The following OPCML variants were observed in gnomAD, a reference collection of about 807,000 sequenced individuals.
OPCML encodes opioid-binding protein/cell adhesion molecule.
OPCML carries 13 observed loss-of-function variants against 37.8 expected under a neutral mutation model. The observed-to-expected ratio is 0.34, with a 90% CI of 0.22 to 0.55. The LOEUF is 0.55. Among genes scored for constraint, OPCML ranks in the 20% least tolerant of loss-of-function variants. The pLI is 0.91. For synonymous variants in OPCML, 176 were observed against 168.8 expected, an observed-to-expected ratio of 1.04 and a Z score of -0.33; for missense variants, 341 against 435.6, an observed-to-expected ratio of 0.78 and a Z score of 1.93.
chr11:132,754,822 G>T (rs952937587), intron 2 of OPCML, among the ~76,000 whole-genome samples: 2 of 152,142 alleles, frequency 1.3e-5, no homozygotes, highest in Admixed American at 1.3e-4. Flanking sequence ...CTCAAGCAAA[G>T]ACATTGGAAA....
intron 1 of OPCML, among the ~76,000 whole-genome samples, chr11:132,994,240 G>A (rs1334427312): frequency 6.6e-6 from 1 of 152,200 alleles, no homozygotes; most frequent in Non-Finnish European, 1.5e-5. Flanking sequence ...GAGCCGGCGC[G>A]CGCGGGAGCA....
chr11:132,619,548 G>A (rs1438674010), intron 3 of OPCML, among the ~76,000 whole-genome samples: 1 of 151,864 alleles, frequency 6.6e-6, no homozygotes, highest in Non-Finnish European at 1.5e-5. Context: ...TGGTAAAATT[G>A]GCCTAAAACG....
intron 1 of OPCML, among the ~76,000 whole-genome samples, chr11:133,140,583 GA>G (rs1196498951): frequency 1.3e-4 from 16 of 118,740 alleles, no homozygotes; most frequent in African/African-American, 4.4e-4. Context: ...GAAGAAAGAA[GA>G]AAAAAGAAAG....
chr11:133,459,028 T>G (rs1946796389), intron 1 of OPCML, among the ~76,000 whole-genome samples: 1 of 152,068 alleles, frequency 6.6e-6, no homozygotes, highest in South Asian at 2.1e-4. Context: ...TATAAGTCTA[T>G]GTTAATGGGA....
chr11:132,461,207 G>A (rs377115975), intron 4 of OPCML, among the ~76,000 whole-genome samples: 6 of 152,090 alleles, frequency 3.9e-5, no homozygotes, highest in Admixed American at 6.5e-5. Context: ...GTATGCTAAT[G>A]CCATGACTGG....
At chr11:132,855,005 A>T (rs866148855) in intron 2 of OPCML, among the ~76,000 whole-genome samples, 10 of 152,222 alleles carry the variant, frequency 6.6e-5, no homozygotes, top group South Asian at 2.1e-4. Flanking sequence ...CTCCTTGCCC[A>T]GGGACCAAAG....
At chr11:132,638,186 T>TATATATATATAGAG (rs71067383) in intron 3 of OPCML, among the ~76,000 whole-genome samples, 5 of 131,020 alleles carry the variant, frequency 3.8e-5, no homozygotes, top group Non-Finnish European at 8.2e-5. Context: ...TATATATATA[T>TATATATATATAGAG]ACAGAGAGAG....
intron 4 of OPCML, among the ~76,000 whole-genome samples, chr11:132,452,328 T>G (rs2096070400): frequency 6.6e-6 from 1 of 152,012 alleles, no homozygotes; most frequent in Non-Finnish European, 1.5e-5. Flanking sequence ...GGATGAAAGG[T>G]CCAAAGCTTG....
chr11:132,643,522 C>T (rs1207508697), intron 3 of OPCML, among the ~76,000 whole-genome samples: 1 of 152,174 alleles, frequency 6.6e-6, no homozygotes, highest in Non-Finnish European at 1.5e-5. Flanking sequence ...AAGCCACGGG[C>T]GAGGCTCCTC....
intron 3 of OPCML, among the ~76,000 whole-genome samples, chr11:132,600,116 T>C (rs1258329320): frequency 6.6e-6 from 1 of 152,182 alleles, no homozygotes; most frequent in Non-Finnish European, 1.5e-5. Context: ...TTGGTCCATG[T>C]GCTCCTACAG....
intron 1 of OPCML, among the ~76,000 whole-genome samples, chr11:133,266,501 T>C (rs909581261): frequency 1.3e-5 from 2 of 152,214 alleles, no homozygotes; most frequent in African/African-American, 4.8e-5. Flanking sequence ...ATCTTCATCA[T>C]ACCATGTTGT....
intron 1 of OPCML, among the ~76,000 whole-genome samples, chr11:133,049,195 T>C (rs1948081893): frequency 6.6e-6 from 1 of 152,212 alleles, no homozygotes; most frequent in Admixed American, 6.5e-5. Flanking sequence ...TTTCCAAGAC[T>C]ATTAATTACA....
At chr11:132,633,823 A>G (rs1940306682) in intron 3 of OPCML, among the ~76,000 whole-genome samples, 1 of 152,130 alleles carries the variant, frequency 6.6e-6, no homozygotes, top group Admixed American at 6.5e-5. Flanking sequence ...AGAGGCATCA[A>G]TAATGTTTCC....
At position 133,140,988 on chromosome 11, in the gene OPCML, AGAAGAAGAAGACGACGACGACGAC is replaced by A. The variant is rs1231464210; in HGVS notation, c.62-198002_62-197979del. On this transcript the variant is annotated intron_variant, in intron 1 of 7. Coordinates refer to ENST00000524381, the MANE Select transcript of OPCML (RefSeq NM_001012393.5). ...AAGAAGAAGAAGAAGAAGAAGAAGA[AGAAGAAGAAGACGACGACGACGAC>A]GACGACGACGACGACGACGACGACG... 1.8e-3 allele frequency among the ~76,000 whole-genome samples: 8 copies of A among 4,436 alleles called. 3 individuals carry two copies. Among genetic ancestry groups the A allele is most frequent in the African/African-American group, 3.0e-3 (8 of 2,628 alleles). 2.9% of individuals were successfully genotyped at this position (4,436 alleles called of 152,430 possible).
intron 1 of OPCML, among the ~76,000 whole-genome samples, chr11:133,189,968 TC>T (rs1259894649): frequency 6.6e-6 from 1 of 152,198 alleles, no homozygotes; most frequent in Non-Finnish European, 1.5e-5. Context: ...GCTTCATCCT[TC>T]CCTGGCGGGA....
chr11:133,111,524 A>T (rs2137093347), intron 1 of OPCML, among the ~76,000 whole-genome samples: 1 of 152,242 alleles, frequency 6.6e-6, no homozygotes, highest in East Asian at 1.9e-4. Flanking sequence ...CATTAGTTCT[A>T]TTGGTTTCAA....
intron 1 of OPCML, among the ~76,000 whole-genome samples, chr11:133,337,898 A>T (rs1038119066): frequency 6.6e-6 from 1 of 151,918 alleles, no homozygotes; most frequent in African/African-American, 2.4e-5. Context: ...TCACACACTG[A>T]TCCCCACCAC....
At chr11:133,023,260 C>T (rs1038468674) in intron 1 of OPCML, among the ~76,000 whole-genome samples, 1 of 152,188 alleles carries the variant, frequency 6.6e-6, no homozygotes, top group Non-Finnish European at 1.5e-5. Context: ...TTTGGCTGTC[C>T]ATTGACTTCC....
At position 133,041,939 on chromosome 11, in the gene OPCML, A is replaced by G. The variant is rs568775717; in HGVS notation, c.62-98929T>C. Among the ~76,000 whole-genome samples, 27 of 152,280 alleles carry G rather than the reference A, an allele frequency of 1.8e-4. No homozygotes were observed. In the East Asian group the frequency reaches 4.7e-3, roughly 26 times the overall value. On this transcript the variant is annotated intron_variant, in intron 1 of 7. Coordinates refer to ENST00000524381, the MANE Select transcript of OPCML (RefSeq NM_001012393.5). ...ACAGAAGGGGCTGCGAGTCGCCTCCAAATCCCAGGACCTGGCTCCAGGGAT... is the reference window on the plus strand; with the variant it reads ...ACAGAAGGGGCTGCGAGTCGCCTCCGAATCCCAGGACCTGGCTCCAGGGAT...
Sources: allele counts gnomAD v4.1 joint callset (sites outside exome capture counted in the v4.1 genomes callset), GRCh38; gene constraint gnomAD v4.1.1; transcripts MANE v1.5; gene names NCBI Gene and HGNC (gene_info 2026-07-23, HGNC 2026-07-21).